DGKH: variants seen among roughly 807,000 people sequenced by gnomAD.
The protein encoded by DGKH is diacylglycerol kinase eta.
Under a neutral mutation model 159.3 loss-of-function variants are expected in DGKH, and 90 were observed. That is an observed-to-expected ratio of 0.57 (90% CI 0.48 to 0.67). DGKH has a LOEUF of 0.67. DGKH is among the 30% of genes least tolerant of loss of function. DGKH has a pLI of 0.00. For synonymous variants in DGKH, 536 were observed against 553.8 expected, an observed-to-expected ratio of 0.97 and a Z score of 0.45; for missense variants, 1,181 against 1,506.1, an observed-to-expected ratio of 0.78 and a Z score of 3.57.
chr13:42,100,585 G>A (rs760034045), intron 1 of DGKH, among the ~76,000 whole-genome samples: 5 of 152,034 alleles, frequency 3.3e-5, no homozygotes, highest in African/African-American at 7.3e-5. Flanking sequence ...GGAAAAATGC[G>A]TGGATTTTAA....
At chr13:42,211,345 A>G (rs1957653602) in intron 24 of DGKH, among the ~76,000 whole-genome samples, 1 of 152,186 alleles carries the variant, frequency 6.6e-6, no homozygotes, top group African/African-American at 2.4e-5. Flanking sequence ...AGCACATTGT[A>G]TTAGTCCATT....
intron 1 of DGKH, among the ~76,000 whole-genome samples, chr13:42,083,283 A>C (rs759610583): frequency 6.6e-6 from 1 of 152,188 alleles, no homozygotes; most frequent in Non-Finnish European, 1.5e-5. Context: ...GGAACTTGCA[A>C]CTTAAATGAT....
At chr13:42,192,597 CTCTTCT>C (rs72081789) in intron 16 of DGKH, among the ~76,000 whole-genome samples, 12 of 148,440 alleles carry the variant, frequency 8.1e-5, no homozygotes, top group African/African-American at 1.7e-4. Flanking sequence ...TTTCCTCTTC[CTCTTCT>C]TCTTCTTCTT....
intron 2 of DGKH, among the ~76,000 whole-genome samples, chr13:42,129,013 T>A (rs1594065274): frequency 6.6e-6 from 1 of 152,218 alleles, no homozygotes; most frequent in Non-Finnish European, 1.5e-5. Flanking sequence ...ACTTGCTACC[T>A]TGGATGTTAA....
chr13:42,045,330 T>A (rs189749651), upstream of DGKH, among the ~76,000 whole-genome samples: 15 of 152,058 alleles, frequency 9.9e-5, no homozygotes, highest in East Asian at 2.9e-3. Flanking sequence ...AGAAAAAAAA[T>A]TTGCTTTATT....
intron 1 of DGKH, chr13:42,070,740 C>G (rs1251134183): frequency 6.2e-7 from 1 of 1,603,548 alleles, no homozygotes; most frequent in African/African-American, 1.3e-5. Context: ...CCTGCTCCAG[C>G]ACTTTAGACA....
rs1009104143 is a variant in DGKH at position 42,232,118 on chromosome 13, G to A, written c.*2930G>A. 2 of 152,198 alleles carry A rather than the reference G, an allele frequency of 1.3e-5. No homozygotes were observed. The highest frequency in any genetic ancestry group is 2.9e-5 in the Non-Finnish European group (2 of 68,106). The allele number at this position is 152,198 out of a possible 1,614,324, so 9.4% of individuals were successfully genotyped here. ...GTTACCAAAAAAAATAAAAAGTAGG[G>A]AAGAGCTTCTCCATGGGATCAGATC... On this transcript the variant is annotated 3_prime_UTR_variant, in exon 30 of 30. Coordinates refer to ENST00000337343, the MANE Select transcript of DGKH (RefSeq NM_178009.5).
chr13:42,041,312 G>C, intron 1 of DGKH, among the ~76,000 whole-genome samples: 1 of 152,180 alleles, frequency 6.6e-6, no homozygotes. Flanking sequence ...TGTCGAGACC[G>C]CGCCCTGGTC....
chr13:42,175,472 G>A (rs1229754444), intron 12 of DGKH, among the ~76,000 whole-genome samples: 1 of 151,976 alleles, frequency 6.6e-6, no homozygotes, highest in Non-Finnish European at 1.5e-5. Flanking sequence ...TATCTTAACA[G>A]TATTTTTGTA....
At chr13:42,076,012 T>C (rs972464535) in intron 1 of DGKH, among the ~76,000 whole-genome samples, 1 of 152,242 alleles carries the variant, frequency 6.6e-6, no homozygotes, top group African/African-American at 2.4e-5. Flanking sequence ...TCAATGTGAT[T>C]CTACTTTCCA....
chr13:42,208,559 A>C (rs1957561883), intron 21 of DGKH, among the ~76,000 whole-genome samples: 1 of 151,954 alleles, frequency 6.6e-6, no homozygotes, highest in African/African-American at 2.4e-5. Flanking sequence ...AAACTATATC[A>C]CCTTTCTATG....
intron 1 of DGKH, among the ~76,000 whole-genome samples, chr13:42,109,671 CGTGTGTGTGTGT>C (rs765879320): frequency 7.6e-6 from 1 of 132,200 alleles, no homozygotes; most frequent in Non-Finnish European, 1.6e-5. Flanking sequence ...CGTGTGTGTG[CGTGTGTGTGTGT>C]GTGTGTGTCT....
At chr13:42,046,151 A>C (rs1224578546), upstream of DGKH, among the ~76,000 whole-genome samples, 1 of 152,268 alleles carries the variant, frequency 6.6e-6, no homozygotes, top group Non-Finnish European at 1.5e-5. Context: ...AAAATGTAAG[A>C]TGCATCTAAG....
chr13:42,127,359 G>T (rs1361039794), intron 1 of DGKH, 104 bp from the exon 2 acceptor site: 2 of 820,014 alleles, frequency 2.4e-6, no homozygotes, highest in Admixed American at 4.6e-5. Flanking sequence ...TAAGACATGA[G>T]AAATATTATT....
rs572110440 is a variant in DGKH, at chr13:42,231,755, G to T, written c.*2567G>T. The T allele has an allele frequency of 2.0e-5, 3 of 152,162 alleles. No homozygotes were observed. The highest frequency in any genetic ancestry group is 4.4e-5 in the Non-Finnish European group (3 of 68,036). The allele number at this position is 152,162 out of a possible 1,614,324, so 9.4% of individuals were successfully genotyped here. The stretch of plus-strand genomic sequence containing the variant: ...TGTTCGTTTGGTGAGCTTTTCACTC[G>T]TAGGTGACATCTTTTGTATATGCTG... On this transcript the variant is annotated 3_prime_UTR_variant, in exon 30 of 30. Coordinates refer to ENST00000337343, the MANE Select transcript of DGKH (RefSeq NM_178009.5).
downstream of DGKH, among the ~76,000 whole-genome samples, chr13:42,245,908 G>A (rs747264291): frequency 2.0e-5 from 3 of 152,146 alleles, no homozygotes; most frequent in Non-Finnish European, 4.4e-5. Context: ...TGATTCTGAA[G>A]GGCTAGCTGA....
chr13:42,172,324 A>T (rs986015345), intron 11 of DGKH, among the ~76,000 whole-genome samples: 3 of 150,362 alleles, frequency 2.0e-5, no homozygotes, highest in Non-Finnish European at 4.4e-5. Context: ...GTTGGCCAGG[A>T]TGGTCTTGAT....
chr13:42,201,849 A>C (rs1310273933), intron 20 of DGKH, among the ~76,000 whole-genome samples: 1 of 152,218 alleles, frequency 6.6e-6, no homozygotes, highest in Admixed American at 6.5e-5. Context: ...CCATAACTTC[A>C]AAGTGATGAT....
chr13:42,109,652 C>T (rs625983), intron 1 of DGKH, among the ~76,000 whole-genome samples: 1 of 18,784 alleles, frequency 5.3e-5, no homozygotes, highest in Admixed American at 3.6e-4. Context: ...GCGTGCGTGC[C>T]TGTGCGTGCG....
Sources: gnomAD v4.1 joint callset for allele counts (sites outside exome capture counted in the v4.1 genomes callset) on GRCh38, gnomAD v4.1.1 for gene constraint, MANE v1.5 for transcripts, NCBI Gene and HGNC (gene_info 2026-07-23, HGNC 2026-07-21) for gene names.